The following EDA variants were observed in gnomAD, a reference collection of about 807,000 sequenced individuals.
EDA encodes ectodysplasin A.
A neutral mutation model predicts 23.6 loss-of-function variants in EDA; 2 were observed. The ratio of observed to expected loss-of-function variants is 0.08; its 90% CI spans 0.03 to 0.27. The LOEUF is 0.27. Ranked by LOEUF, EDA falls within the 10% of genes least tolerant of loss-of-function variation. The pLI, the probability that EDA is intolerant of heterozygous loss-of-function variation, is 1.00. For synonymous variants in EDA, 131 were observed against 132.0 expected (o/e 0.99, Z 0.05); for missense variants, 229 against 324.2 (o/e 0.71, Z 2.26).
intron 2 of EDA, among the ~76,000 whole-genome samples, chrX:69,968,418 G>T (rs898709023): frequency 1.2e-4 from 13 of 111,935 alleles, no homozygotes; most frequent in Admixed American, 1.9e-4. Context: ...CAATCCCCTA[G>T]GTTTGCTGGC....
intron 1 of EDA, among the ~76,000 whole-genome samples, chrX:69,845,369 G>A (rs779978377): frequency 8.9e-6 from 1 of 111,887 alleles, no homozygotes; most frequent in East Asian, 2.8e-4. Context: ...TGTGGATTTT[G>A]TGGATAGTTA....
chrX:69,927,554 C>G (rs1028337145), intron 1 of EDA, among the ~76,000 whole-genome samples: 1 of 111,148 alleles, frequency 9.0e-6, no homozygotes, highest in Non-Finnish European at 1.9e-5. Flanking sequence ...TGTAGGTGAC[C>G]TAGCCTTTCT....
intron 1 of EDA, among the ~76,000 whole-genome samples, chrX:69,830,152 A>G (rs1054524770): frequency 3.6e-5 from 4 of 111,056 alleles, no homozygotes; most frequent in African/African-American, 1.3e-4. Flanking sequence ...TATTTATCTT[A>G]AAAATATTTT....
chrX:69,636,707 G>A (rs1219495464), intron 1 of EDA, among the ~76,000 whole-genome samples: 2 of 107,401 alleles, frequency 1.9e-5, no homozygotes, highest in Non-Finnish European at 3.8e-5. Context: ...TAAATCCCTA[G>A]GCAGAATACG....
At chrX:69,911,861 G>A (rs780550175) in intron 1 of EDA, among the ~76,000 whole-genome samples, 47 of 112,409 alleles carry the variant, frequency 4.2e-4, no homozygotes, top group Non-Finnish European at 7.3e-4. Context: ...CTGACTGCTC[G>A]GGGCAGTGGT....
intron 1 of EDA, among the ~76,000 whole-genome samples, chrX:69,821,413 GA>G (rs1417111290): frequency 2.7e-5 from 3 of 109,422 alleles, no homozygotes; most frequent in Non-Finnish European, 3.8e-5. Flanking sequence ...AAAAGCTGAA[GA>G]AAAAAAATAA....
chrX:69,959,437 G>A (rs1443854916), intron 2 of EDA, among the ~76,000 whole-genome samples: 1 of 112,077 alleles, frequency 8.9e-6, no homozygotes, highest in Non-Finnish European at 1.9e-5. Flanking sequence ...GAGTTAAAGA[G>A]TGGTAAGTCA....
intron 1 of EDA, among the ~76,000 whole-genome samples, chrX:69,917,048 G>A (rs1012813301): frequency 2.7e-5 from 3 of 110,494 alleles, no homozygotes; most frequent in Non-Finnish European, 5.7e-5. Context: ...AATAATCCCT[G>A]CCTCAGCCTC....
At chrX:69,770,035 C>T (rs2014583975) in intron 1 of EDA, among the ~76,000 whole-genome samples, 1 of 111,692 alleles carries the variant, frequency 9.0e-6, no homozygotes, top group Non-Finnish European at 1.9e-5. Flanking sequence ...TTGAGATTCG[C>T]CGTTTTCACT....
intron 1 of EDA, chrX:69,937,385 C>T (rs1484832050): frequency 1.2e-5 from 8 of 651,384 alleles, no homozygotes; most frequent in Non-Finnish European, 2.1e-5. Context: ...GTTCTGCCAC[C>T]TCCTGTAATC....
At chrX:69,754,889 G>A (rs923282053) in intron 1 of EDA, among the ~76,000 whole-genome samples, 2 of 112,052 alleles carry the variant, frequency 1.8e-5, no homozygotes, top group African/African-American at 6.5e-5. Flanking sequence ...CTCGTGCCAA[G>A]GTCTTCAGCT....
chrX:69,757,498 A>C (rs1480754046), intron 1 of EDA, among the ~76,000 whole-genome samples: 2 of 112,275 alleles, frequency 1.8e-5, no homozygotes, highest in Non-Finnish European at 3.8e-5. Context: ...AGGAAGTAAA[A>C]GTTATCATCT....
chrX:69,826,889 G>T (rs1462655985), intron 1 of EDA, among the ~76,000 whole-genome samples: 1 of 111,859 alleles, frequency 8.9e-6, no homozygotes, highest in African/African-American at 3.3e-5. Flanking sequence ...TTTTAGGGCA[G>T]GCCTGGTGGT....
At position 69,737,793 on chromosome X, in the gene EDA, G is replaced by T. The variant is rs186404360; in HGVS notation, c.396+121089G>T. Among the ~76,000 whole-genome samples the T allele has an allele frequency of 2.0e-3, 218 of 111,261 alleles. 2 individuals carry two copies. Among genetic ancestry groups the T allele is most frequent in the African/African-American group, 6.0e-3 (183 of 30,695 alleles). On this transcript the variant is annotated intron_variant, in intron 1 of 7. Transcript: ENST00000374552. ...TCTCTGTTTTTGTTTGCCTGAAAAG[G>T]TCTTTTTAAAGAGTTCAGCTTTGAA...
intron 1 of EDA, among the ~76,000 whole-genome samples, chrX:69,890,858 A>G (rs1018434008): frequency 8.9e-6 from 1 of 112,018 alleles, no homozygotes; most frequent in Non-Finnish European, 1.9e-5. Flanking sequence ...GAAAATGCCA[A>G]AGCAATTGCA....
chrX:69,889,021 T>TATATATATATATATATA (rs58327577), intron 1 of EDA, among the ~76,000 whole-genome samples: 36 of 73,535 alleles, frequency 4.9e-4, no homozygotes, highest in East Asian at 1.0e-3. Flanking sequence ...TATATATATA[T>TATATATATATATATATA]TATGTTTTTC....
intron 1 of EDA, among the ~76,000 whole-genome samples, chrX:69,700,638 G>A (rs954330992): frequency 6.3e-5 from 7 of 111,121 alleles, no homozygotes; most frequent in African/African-American, 2.3e-4. Flanking sequence ...AGAGCTGCTT[G>A]GGGGATGGGA....
intron 1 of EDA, among the ~76,000 whole-genome samples, chrX:69,667,279 AT>A (rs996906109): frequency 1.9e-5 from 2 of 106,338 alleles, no homozygotes; most frequent in Non-Finnish European, 3.9e-5. Context: ...CGCCCAGCTA[AT>A]TTTTTTTTAT....
chrX:69,628,282 C>T lies in EDA; in HGVS notation c.396+11578C>T, dbSNP rs890424014. ...ATTGCATGCTGCGAAAGCACTTTTG[C>T]TATGTAGTCTAAATGTTGGGGAAAC... is the stretch of plus-strand genomic sequence containing the variant. On this transcript the variant is annotated intron_variant, in intron 1 of 7. Coordinates refer to ENST00000374552, the MANE Select transcript of EDA (RefSeq NM_001399.5). 6.3e-5 allele frequency among the ~76,000 whole-genome samples: 7 copies of T among 111,576 alleles called. No homozygotes were observed. The South Asian group carries it at 2.7e-3, about 43-fold the overall frequency.
Sources: gnomAD v4.1 joint callset for allele counts (sites outside exome capture counted in the v4.1 genomes callset) on GRCh38, gnomAD v4.1.1 for gene constraint, MANE v1.5 for transcripts, NCBI Gene and HGNC (gene_info 2026-07-23, HGNC 2026-07-21) for gene names.